The following DPP10 variants were observed in gnomAD, a reference collection of about 807,000 sequenced individuals.
The protein encoded by DPP10 is inactive dipeptidyl peptidase 10.
DPP10 carries 33 observed loss-of-function variants against 120.9 expected under a neutral mutation model. The observed-to-expected ratio is 0.27, with a 90% confidence interval of 0.21 to 0.37. The LOEUF is 0.37. Ranked by LOEUF, DPP10 falls within the 10% of genes least tolerant of loss-of-function variation. DPP10 has a pLI of 1.00. For missense variants in DPP10, 816 were observed against 942.8 expected, an observed-to-expected ratio of 0.87 and a Z score of 1.76; for synonymous variants, 337 against 326.1, an observed-to-expected ratio of 1.03 and a Z score of -0.36.
At chr2:114,728,167 A>C (rs1259534012) in intron 1 of DPP10, among the ~76,000 whole-genome samples, 1 of 152,234 alleles carries the variant, frequency 6.6e-6, no homozygotes, top group Non-Finnish European at 1.5e-5. Flanking sequence ...CGAACAGACC[A>C]CTAAGGTAGA....
At chr2:115,246,898 T>A (rs755117927) in intron 1 of DPP10, among the ~76,000 whole-genome samples, 3 of 152,026 alleles carry the variant, frequency 2.0e-5, no homozygotes, top group Non-Finnish European at 4.4e-5. Flanking sequence ...ACCAGATAGG[T>A]TCTGCTCAGT....
At chr2:114,662,340 G>A (rs534745768) in intron 1 of DPP10, among the ~76,000 whole-genome samples, 1 of 152,298 alleles carries the variant, frequency 6.6e-6, no homozygotes, top group Non-Finnish European at 1.5e-5. Flanking sequence ...GGGGGCGCGG[G>A]CACCGCTGCG....
chr2:114,550,467 A>G (rs1446565831), intron 1 of DPP10, among the ~76,000 whole-genome samples: 3 of 152,238 alleles, frequency 2.0e-5, no homozygotes, highest in Non-Finnish European at 2.9e-5. Flanking sequence ...ACAGCCAGTA[A>G]GGAGCAGGGC....
chr2:114,709,607 T>C (rs553212042), intron 1 of DPP10, among the ~76,000 whole-genome samples: 1 of 152,310 alleles, frequency 6.6e-6, no homozygotes, highest in East Asian at 1.9e-4. Flanking sequence ...AGATATGTTC[T>C]ATACCTTTTC....
intron 1 of DPP10, among the ~76,000 whole-genome samples, chr2:115,216,316 T>A (rs1005057832): frequency 6.6e-6 from 1 of 151,940 alleles, no homozygotes; most frequent in Non-Finnish European, 1.5e-5. Context: ...TGAAAAAAAA[T>A]TTAATTAAAA....
intron 1 of DPP10, among the ~76,000 whole-genome samples, chr2:114,592,231 A>C (rs1691522618): frequency 6.6e-6 from 1 of 152,124 alleles, no homozygotes; most frequent in South Asian, 2.1e-4. Flanking sequence ...AAGCAGCAGA[A>C]AGTTTCTGGG....
chr2:114,646,243 G>A (rs887261085), intron 1 of DPP10, among the ~76,000 whole-genome samples: 3 of 152,026 alleles, frequency 2.0e-5, no homozygotes, highest in South Asian at 4.1e-4. Flanking sequence ...TCCATTCAGA[G>A]CTATGTGTGC....
At chr2:115,771,672 G>A (rs953855203) in intron 13 of DPP10, among the ~76,000 whole-genome samples, 1 of 152,098 alleles carries the variant, frequency 6.6e-6, no homozygotes, top group Admixed American at 6.6e-5. Context: ...TTCCCTTGCT[G>A]TGCTACATGA....
intron 1 of DPP10, among the ~76,000 whole-genome samples, chr2:114,523,342 ACTTC>A (rs1268687704): frequency 1.3e-5 from 2 of 152,156 alleles, no homozygotes; most frequent in African/African-American, 4.8e-5. Flanking sequence ...AGATGGCTCG[ACTTC>A]CATGCTGGGT....
At chr2:115,558,017 C>T (rs1316954088) in intron 5 of DPP10, among the ~76,000 whole-genome samples, 7 of 152,066 alleles carry the variant, frequency 4.6e-5, no homozygotes, top group African/African-American at 1.7e-4. Context: ...AGTCAGGTAA[C>T]GATGTATATA....
At chr2:114,912,093 T>C (rs1330091114) in intron 1 of DPP10, among the ~76,000 whole-genome samples, 2 of 152,142 alleles carry the variant, frequency 1.3e-5, no homozygotes, top group African/African-American at 2.4e-5. Flanking sequence ...AGTCCTCCAC[T>C]GCACAATTAT....
chr2:114,609,494 C>T (rs990975338), intron 1 of DPP10, among the ~76,000 whole-genome samples: 2 of 152,034 alleles, frequency 1.3e-5, no homozygotes, highest in Non-Finnish European at 2.9e-5. Context: ...GGGTCTGACC[C>T]CACACACAGA....
At chr2:115,254,676 G>C (rs183417826) in intron 1 of DPP10, among the ~76,000 whole-genome samples, 138 of 152,312 alleles carry the variant, frequency 9.1e-4, no homozygotes, top group African/African-American at 2.5e-3. Flanking sequence ...CAGACATTGG[G>C]TAAATACACC....
intron 1 of DPP10, among the ~76,000 whole-genome samples, chr2:115,278,689 C>T (rs931734953): frequency 6.6e-6 from 1 of 152,004 alleles, no homozygotes; most frequent in African/African-American, 2.4e-5. Context: ...TTTTAACAAA[C>T]ACTTCCCTGG....
In DPP10 at chr2:115,697,452, G is replaced by A. The variant is rs550410037; in HGVS notation, c.576+7531G>A. 5.3e-5 allele frequency among the ~76,000 whole-genome samples: 8 copies of A among 151,920 alleles called. No homozygotes were observed. In the South Asian group the frequency reaches 6.2e-4, roughly 12 times the overall value. On this transcript the variant is annotated intron_variant, in intron 7 of 25. Transcript: ENST00000410059. Reference sequence around the variant, plus strand: ...TTGCTATACTAACGTAAAAATAGGCGTTAAATCATAAACAGTTTTGAGAGA... The same window carrying A: ...TTGCTATACTAACGTAAAAATAGGCATTAAATCATAAACAGTTTTGAGAGA...
intron 3 of DPP10, among the ~76,000 whole-genome samples, chr2:115,427,295 G>T (rs183527577): frequency 6.6e-6 from 1 of 152,288 alleles, no homozygotes; most frequent in Admixed American, 6.5e-5. Flanking sequence ...TTCCAACCCC[G>T]CATTTCCCCA....
chr2:114,644,993 T>G (rs1696008214), intron 1 of DPP10, among the ~76,000 whole-genome samples: 1 of 151,798 alleles, frequency 6.6e-6, no homozygotes, highest in Non-Finnish European at 1.5e-5. Context: ...TTAAGGCCTT[T>G]GTATATACTG....
intron 1 of DPP10, among the ~76,000 whole-genome samples, chr2:115,284,930 G>T (rs571940266): frequency 6.6e-6 from 1 of 151,968 alleles, no homozygotes; most frequent in Non-Finnish European, 1.5e-5. Flanking sequence ...GCTTCTTAAT[G>T]ATGTTTCTTA....
intron 5 of DPP10, among the ~76,000 whole-genome samples, chr2:115,570,919 T>G (rs373023799): frequency 6.6e-6 from 1 of 152,314 alleles, no homozygotes; most frequent in South Asian, 2.1e-4. Flanking sequence ...GTATTTCACC[T>G]GGCATTTGTT....
Sources: gnomAD v4.1 joint callset for allele counts (sites outside exome capture counted in the v4.1 genomes callset) on GRCh38, gnomAD v4.1.1 for gene constraint, MANE v1.5 for transcripts, NCBI Gene and HGNC (gene_info 2026-07-23, HGNC 2026-07-21) for gene names.